The following SHANK2 variants were observed in gnomAD, a reference collection of about 807,000 sequenced individuals.
The protein encoded by SHANK2 is SH3 and multiple ankyrin repeat domains 2, also known as SH3 and multiple ankyrin repeat domains protein 2.
A neutral mutation model predicts 133.7 loss-of-function variants in SHANK2; 43 were observed. That is an observed-to-expected ratio of 0.32 (90% CI 0.25 to 0.41). The LOEUF is 0.41. Ranked by LOEUF, SHANK2 falls within the 10% of genes least tolerant of loss-of-function variation. The probability of loss-of-function intolerance (pLI) is 1.00; values close to 1 mark genes in which losing one functional copy is unlikely to be tolerated. For missense variants in SHANK2, 1,994 were observed against 2,235.8 expected, an observed-to-expected ratio of 0.89 and a Z score of 2.18; for synonymous variants, 1,017 against 952.8, an observed-to-expected ratio of 1.07 and a Z score of -1.24.
At position 70,499,038 on chromosome 11, in the gene SHANK2, G is replaced by A. The variant is rs1202910679; in HGVS notation, c.2308+1532C>T. On this transcript the variant is annotated intron_variant, in intron 21 of 25. Transcript: ENST00000601538. The stretch of plus-strand genomic sequence containing the variant: ...TTTTGTTCCACATGGCCTTTCTGGA[G>A]TGTGACGAGTGCTTTTTCCGAGGCG... Among the ~76,000 whole-genome samples the A allele has an allele frequency of 2.0e-5, 3 of 152,350 alleles. No homozygotes were observed. The East Asian group carries it at 5.8e-4, about 29-fold the overall frequency.
At chr11:70,635,847 G>A (rs782485774) in intron 17 of SHANK2, among the ~76,000 whole-genome samples, 2 of 152,058 alleles carry the variant, frequency 1.3e-5, no homozygotes, top group African/African-American at 4.8e-5. Context: ...ATAAACCCTC[G>A]GTCACGCTCA....
At chr11:71,066,958 A>C (rs1951070571) in intron 9 of SHANK2, among the ~76,000 whole-genome samples, 1 of 152,198 alleles carries the variant, frequency 6.6e-6, no homozygotes. Context: ...AGTGGGTTAC[A>C]GGAATGCATC....
At chr11:70,642,685 G>A (rs960612466) in intron 17 of SHANK2, among the ~76,000 whole-genome samples, 1 of 152,146 alleles carries the variant, frequency 6.6e-6, no homozygotes, top group African/African-American at 2.4e-5. Context: ...ACACAAACAG[G>A]ACACTGATTT....
chr11:70,544,942 C>T (rs1311257321), intron 17 of SHANK2, among the ~76,000 whole-genome samples: 1 of 152,192 alleles, frequency 6.6e-6, no homozygotes, highest in Non-Finnish European at 1.5e-5. Flanking sequence ...GGGCTGCGGC[C>T]TCTGGGGATG....
chr11:70,642,306 C>G lies in SHANK2; in HGVS notation c.2061+17522G>C, dbSNP rs7940896. On this transcript the variant is annotated intron_variant, in intron 17 of 25. Coordinates refer to ENST00000601538, the MANE Select transcript of SHANK2 (RefSeq NM_012309.5). ...CCATGGGTCTTAAAACTTTGATTTT[C>G]CGTTCGATTCAAATTTAAATCCAGA... Among the ~76,000 whole-genome samples, 444 of 143,296 alleles carry G rather than the reference C, an allele frequency of 3.1e-3. 3 individuals carry two copies. The highest frequency in any genetic ancestry group is 0.011 in the African/African-American group (432 of 38,660). The allele number at this position is 143,296 out of a possible 152,430, so 94.0% of individuals were successfully genotyped here. A position where few individuals can be genotyped will look rare whatever the true frequency, so the allele number is the denominator to read the frequency against.
In SHANK2 at chr11:70,674,797, T is replaced by G. The variant is rs371942021; in HGVS notation, c.1854-13119A>C. 9.2e-5 allele frequency among the ~76,000 whole-genome samples: 14 copies of G among 152,342 alleles called. No individual in the cohort carries two copies. In the South Asian group the frequency reaches 2.9e-3, roughly 32 times the overall value. ...TGGCACAGAGGCAGCCATGACAATATGTAAATGATGGGTGGGGCTGTGTTC... is the reference window on the plus strand; with the variant it reads ...TGGCACAGAGGCAGCCATGACAATAGGTAAATGATGGGTGGGGCTGTGTTC... On this transcript the variant is annotated intron_variant, in intron 15 of 25. Transcript: ENST00000601538.
intron 17 of SHANK2, among the ~76,000 whole-genome samples, chr11:70,610,637 C>T (rs1325871779): frequency 2.6e-5 from 4 of 152,222 alleles, no homozygotes; most frequent in Non-Finnish European, 5.9e-5. Flanking sequence ...TAATGAAAGC[C>T]AGCCAGAGCT....
chr11:71,085,467 T>TATATATA (rs1382780054), intron 8 of SHANK2, among the ~76,000 whole-genome samples: 1 of 124,102 alleles, frequency 8.1e-6, no homozygotes, highest in Non-Finnish European at 1.6e-5. Context: ...AATATATATA[T>TATATATA]ATATATAATA....
rs530096112 is a variant in SHANK2 at position 70,752,705 on chromosome 11, CA to C, written c.1777+45737del. Among the ~76,000 whole-genome samples the C allele has an allele frequency of 1.3e-3, 134 of 103,832 alleles. 1 individual carries two copies. Among genetic ancestry groups the C allele is most frequent in the Middle Eastern group, 5.4e-3 (1 of 184 alleles). The allele number at this position is 103,832 out of a possible 152,430, so 68.1% of individuals were successfully genotyped here. The stretch of plus-strand genomic sequence containing the variant: ...TGGGTGACAGAGCGAGACTCCGTCT[CA>C]AAAAAAAAAAAAAAATCAATTCACC... On this transcript the variant is annotated intron_variant, in intron 14 of 25. Coordinates refer to ENST00000601538, the MANE Select transcript of SHANK2 (RefSeq NM_012309.5).
chr11:70,916,604 A>G (rs543659354), intron 10 of SHANK2, among the ~76,000 whole-genome samples: 38 of 152,230 alleles, frequency 2.5e-4, no homozygotes, highest in Admixed American at 4.6e-4. Context: ...TTCACCGGCA[A>G]GAGGATGATG....
chr11:70,743,676 C>T (rs1946579613), intron 14 of SHANK2, among the ~76,000 whole-genome samples: 1 of 152,150 alleles, frequency 6.6e-6, no homozygotes, highest in Non-Finnish European at 1.5e-5. Context: ...CACAGAGGGG[C>T]CGGGAGAGCC....
intron 15 of SHANK2, among the ~76,000 whole-genome samples, chr11:70,675,883 C>T (rs1944897087): frequency 6.6e-6 from 1 of 152,194 alleles, no homozygotes; most frequent in Non-Finnish European, 1.5e-5. Flanking sequence ...TCTGGATAAA[C>T]GTTTACAGTT....
At chr11:71,063,879 G>A (rs1951015716) in intron 9 of SHANK2, among the ~76,000 whole-genome samples, 1 of 152,160 alleles carries the variant, frequency 6.6e-6, no homozygotes, top group Non-Finnish European at 1.5e-5. Context: ...GAGCGTTCCT[G>A]GGGCTCGCAC....
chr11:70,488,973 G>A (rs2058849286), intron 24 of SHANK2: 4 of 316,512 alleles, frequency 1.3e-5, no homozygotes, highest in Admixed American at 4.6e-5. Context: ...AGCGAGACAC[G>A]CACACACACC....
At chr11:70,506,599 C>G (rs782033843) in intron 17 of SHANK2, among the ~76,000 whole-genome samples, 1 of 152,228 alleles carries the variant, frequency 6.6e-6, no homozygotes, top group Non-Finnish European at 1.5e-5. Context: ...TCGCCCAGGT[C>G]TTTCGGGGTC....
chr11:70,478,103 A>C (rs1239740175), intron 25 of SHANK2, among the ~76,000 whole-genome samples: 1 of 152,350 alleles, frequency 6.6e-6, no homozygotes, highest in East Asian at 1.9e-4. Flanking sequence ...TTATTTCATC[A>C]GTCAGTACAA....
chr11:70,644,813 C>T (rs971739327), intron 17 of SHANK2, among the ~76,000 whole-genome samples: 3 of 152,222 alleles, frequency 2.0e-5, no homozygotes, highest in Admixed American at 2.0e-4. Flanking sequence ...ACAGCCCATG[C>T]CTTTTGCCAA....
intron 14 of SHANK2, among the ~76,000 whole-genome samples, chr11:70,727,744 G>A (rs1946205198): frequency 6.6e-6 from 1 of 152,214 alleles, no homozygotes; most frequent in Admixed American, 6.5e-5. Flanking sequence ...GACCTCCCAA[G>A]GTCCCGGGTT....
intron 15 of SHANK2, among the ~76,000 whole-genome samples, chr11:70,684,158 C>G (rs1945093075): frequency 1.3e-5 from 2 of 152,254 alleles, no homozygotes; most frequent in Non-Finnish European, 2.9e-5. Context: ...GCTACTCACT[C>G]TTCATATCCA....
Sources: allele counts gnomAD v4.1 joint callset (sites outside exome capture counted in the v4.1 genomes callset), GRCh38; gene constraint gnomAD v4.1.1; transcripts MANE v1.5; gene names NCBI Gene and HGNC (gene_info 2026-07-23, HGNC 2026-07-21).